VMP1: variants seen among roughly 807,000 people sequenced by gnomAD.
VMP1 encodes vacuole membrane protein 1, also known as ectopic P-granules autophagy protein 3 homolog.
A neutral mutation model predicts 56.0 loss-of-function variants in VMP1; 11 were observed. That is an observed-to-expected ratio of 0.20 (90% confidence interval 0.12 to 0.32). The LOEUF is 0.32. Ranked by LOEUF, VMP1 falls within the 10% of genes least tolerant of loss-of-function variation. VMP1 has a pLI of 1.00. For missense variants in VMP1, 296 were observed against 490.3 expected, an observed-to-expected ratio of 0.60 and a Z score of 3.74; for synonymous variants, 149 against 165.0, an observed-to-expected ratio of 0.90 and a Z score of 0.74.
At chr17:59,815,124 C>G (rs1319377020) in intron 9 of VMP1, among the ~76,000 whole-genome samples, 3 of 152,062 alleles carry the variant, frequency 2.0e-5, no homozygotes, top group Non-Finnish European at 4.4e-5. Context: ...ATGTCTTCCT[C>G]TTAACCTTCC....
chr17:59,720,112 G>T (rs1331579125), intron 1 of VMP1, among the ~76,000 whole-genome samples: 1 of 152,206 alleles, frequency 6.6e-6, no homozygotes. Flanking sequence ...TCAAGAATAT[G>T]TGTTAGATTT....
chr17:59,828,297 A>G (rs2038706687), intron 10 of VMP1, among the ~76,000 whole-genome samples: 3 of 152,198 alleles, frequency 2.0e-5, no homozygotes. Flanking sequence ...CTAACCTCCA[A>G]TCTGATTCTT....
chr17:59,762,018 G>A (rs918590704), intron 5 of VMP1, among the ~76,000 whole-genome samples: 1 of 152,192 alleles, frequency 6.6e-6, no homozygotes, highest in African/African-American at 2.4e-5. Flanking sequence ...AGAAGCCAGA[G>A]TCAATGTATG....
At chr17:59,763,747 C>G (rs2036139785) in intron 5 of VMP1, among the ~76,000 whole-genome samples, 1 of 152,030 alleles carries the variant, frequency 6.6e-6, no homozygotes, top group African/African-American at 2.4e-5. Flanking sequence ...TACACAGAGC[C>G]CACTTACTTT....
intron 5 of VMP1, among the ~76,000 whole-genome samples, chr17:59,757,115 C>T (rs1444539284): frequency 6.6e-6 from 1 of 152,122 alleles, no homozygotes; most frequent in African/African-American, 2.4e-5. Flanking sequence ...AATATATTCA[C>T]CCCTTTCTTA....
chr17:59,731,567 G>GAT (rs2034826383), intron 2 of VMP1, 45 bp downstream of exon 2: 2 of 1,363,928 alleles, frequency 1.5e-6, no homozygotes, highest in South Asian at 3.1e-5. Flanking sequence ...GGGTTTAAAT[G>GAT]ATATACTTTT....
At chr17:59,789,835 C>CTTTTTTTTTTTTTTTTTTTT (rs754631557) in intron 7 of VMP1, among the ~76,000 whole-genome samples, 2 of 85,964 alleles carry the variant, frequency 2.3e-5, no homozygotes, top group African/African-American at 4.8e-5. Context: ...CTTTCTTTCC[C>CTTTTTTTTTTTTTTTTTTTT]TTTTTTTTTT....
intron 7 of VMP1, among the ~76,000 whole-genome samples, chr17:59,780,744 G>A (rs1435387839): frequency 1.3e-5 from 2 of 151,884 alleles, no homozygotes; most frequent in South Asian, 2.1e-4. Flanking sequence ...CCACCACCAC[G>A]CCTGGCTAAT....
intron 10 of VMP1, among the ~76,000 whole-genome samples, chr17:59,832,268 T>G (rs2038833609): frequency 1.4e-5 from 2 of 139,508 alleles, no homozygotes; most frequent in South Asian, 2.3e-4. Context: ...GTTCAAGCAA[T>G]TCTCATGCCT....
intron 5 of VMP1, among the ~76,000 whole-genome samples, chr17:59,748,894 A>ATTTTT (rs1555615948): frequency 6.9e-6 from 1 of 145,776 alleles, no homozygotes; most frequent in Admixed American, 6.9e-5. Context: ...ATTATTATTT[A>ATTTTT]TTTTTTTTTT....
chr17:59,772,210 C>T (rs1311265368), intron 6 of VMP1, among the ~76,000 whole-genome samples: 1 of 151,458 alleles, frequency 6.6e-6, no homozygotes, highest in Non-Finnish European at 1.5e-5. Flanking sequence ...AGGCTGGTCT[C>T]AAACTCCTGA....
chr17:59,764,976 A>C lies in VMP1; in HGVS notation c.420A>C (p.Pro140=). ...GLHTFLLYLG[P]HIASVTLAAY... is the part of the protein sequence containing the mutation. ...TTCTTGTATTTGTTTTATAGGGTCC[A>C]CATATAGCCTCAGTTACATTAGCTG... The change falls in exon 6 of 12, where the codon CCA becomes CCC. Residue 140 remains proline (P), a synonymous_variant. Coordinates refer to ENST00000262291, the MANE Select transcript of VMP1 (RefSeq NM_030938.5). 6.3e-7 allele frequency: 1 copy of C among 1,597,654 alleles called. No homozygotes were observed. The highest frequency in any genetic ancestry group is 8.5e-7 in the Non-Finnish European group (1 of 1,173,132).
At chr17:59,838,528 G>T in intron 11 of VMP1, 131 bp downstream of exon 11, 2 of 827,600 alleles carry the variant, frequency 2.4e-6, no homozygotes. Flanking sequence ...GAAGTTGAGC[G>T]TCTGTGTATG....
chr17:59,834,736 C>T (rs1380587052), intron 10 of VMP1, among the ~76,000 whole-genome samples: 2 of 151,944 alleles, frequency 1.3e-5, no homozygotes, highest in Non-Finnish European at 2.9e-5. Flanking sequence ...GTGATTCTCC[C>T]ATCTCAGCCT....
intron 7 of VMP1, among the ~76,000 whole-genome samples, chr17:59,780,465 C>T (rs372016201): frequency 4.6e-5 from 7 of 152,262 alleles, no homozygotes; most frequent in South Asian, 2.1e-4. Flanking sequence ...GGTAGTAGTA[C>T]GGTGCTTACC....
chr17:59,731,116 C>G (rs2034806500), intron 1 of VMP1, among the ~76,000 whole-genome samples: 1 of 152,072 alleles, frequency 6.6e-6, no homozygotes, highest in African/African-American at 2.4e-5. Flanking sequence ...TGCTTGATAT[C>G]CTCCTTCTGT....
intron 5 of VMP1, among the ~76,000 whole-genome samples, chr17:59,758,773 C>T (rs2250014): frequency 0.85 from 129,456 of 151,970 alleles, 55,254 homozygotes; most frequent in East Asian, 0.95. Flanking sequence ...TTAAGCAACA[C>T]AGGGAGACCT....
At chr17:59,791,090 G>C (rs888106297) in intron 7 of VMP1, among the ~76,000 whole-genome samples, 1 of 151,236 alleles carries the variant, frequency 6.6e-6, no homozygotes, top group Non-Finnish European at 1.5e-5. Flanking sequence ...CCACATAACT[G>C]TACTCATTTT....
chr17:59,795,555 T>C (rs2037409653), intron 7 of VMP1, among the ~76,000 whole-genome samples: 1 of 146,018 alleles, frequency 6.8e-6, no homozygotes, highest in Non-Finnish European at 1.5e-5. Flanking sequence ...CTCATGCCTG[T>C]AATCCTAGCA....
Sources: allele counts gnomAD v4.1 joint callset (sites outside exome capture counted in the v4.1 genomes callset), GRCh38; gene constraint gnomAD v4.1.1; transcripts MANE v1.5; gene names NCBI Gene and HGNC (gene_info 2026-07-23, HGNC 2026-07-21).